Variants in ITGB8 observed in about 807,000 individuals in gnomAD.
The protein encoded by ITGB8 is integrin beta-8.
A neutral mutation model predicts 89.5 loss-of-function variants in ITGB8; 30 were observed. The observed-to-expected ratio is 0.34, with a 90% CI of 0.25 to 0.45. ITGB8 has a LOEUF of 0.45. Ranked by LOEUF, ITGB8 falls within the 20% of genes least tolerant of loss-of-function variation. The pLI is 1.00. For synonymous variants in ITGB8, 335 were observed against 320.4 expected (o/e 1.05, Z -0.49); for missense variants, 836 against 933.3 (o/e 0.90, Z 1.36).
chr7:20,364,447 T>G (rs1785617917), intron 2 of ITGB8, among the ~76,000 whole-genome samples: 1 of 152,190 alleles, frequency 6.6e-6, no homozygotes, highest in African/African-American at 2.4e-5. Flanking sequence ...TCCAACCTCC[T>G]TTATTACTTC....
At chr7:20,346,887 T>C in intron 1 of ITGB8, 1 of 978,438 alleles carries the variant, frequency 1.0e-6, no homozygotes, top group African/African-American at 1.7e-5. Flanking sequence ...TAGAACTTTA[T>C]GCTATGGTCT....
In ITGB8 at chr7:20,402,277, C is replaced by T. The variant is rs1787345308; in HGVS notation, c.1687+151C>T. On this transcript the variant is annotated intron_variant, in intron 10 of 13. Coordinates refer to ENST00000222573, the MANE Select transcript of ITGB8 (RefSeq NM_002214.3). ...CAAAGTCCATGAAATTAGGGCATGGCAACAGATTTATAGTACGTGATTTTG... is the reference window on the plus strand; with the variant it reads ...CAAAGTCCATGAAATTAGGGCATGGTAACAGATTTATAGTACGTGATTTTG... 1.1e-5 allele frequency: 7 copies of T among 628,416 alleles called. No individual in the cohort carries two copies. The South Asian group carries it at 2.0e-4, about 18-fold the overall frequency. 38.9% of individuals were successfully genotyped at this position (628,416 alleles called of 1,614,324 possible).
At chr7:20,335,774 G>T (rs1355759833) in intron 1 of ITGB8, among the ~76,000 whole-genome samples, 3 of 152,104 alleles carry the variant, frequency 2.0e-5, no homozygotes, top group African/African-American at 7.2e-5. Context: ...AGATCTGATG[G>T]CTAATTCTTA....
chr7:20,359,494 A>G (rs12538581), intron 1 of ITGB8, among the ~76,000 whole-genome samples: 83,258 of 152,012 alleles, frequency 0.55, 23,285 homozygotes, highest in South Asian at 0.72. Flanking sequence ...ATTGCTGGAA[A>G]GTAGTTTTCT....
Position 20,380,777 on chromosome 7 carries a change from C to T in ITGB8, c.747C>T (p.Asn249=), listed in dbSNP as rs569051941. The change falls in exon 5 of 14, where the codon AAC becomes AAT. Residue 249 remains asparagine, a synonymous_variant. Coordinates refer to ENST00000222573, the MANE Select transcript of ITGB8 (RefSeq NM_002214.3). The stretch of plus-strand genomic sequence containing the variant: ...TTCATAGACAGAAGATCTCTGGAAA[C>T]ATAGATACACCAGAAGGAGGTTTTG... The part of the protein sequence containing the change: ...KAVHRQKISG[N]IDTPEGGFDA... 84 of 1,613,868 alleles carry T rather than the reference C, an allele frequency of 5.2e-5. 1 individual carries two copies. In the South Asian group the frequency reaches 8.2e-4, roughly 16 times the overall value.
intron 1 of ITGB8, among the ~76,000 whole-genome samples, chr7:20,337,765 G>C (rs1394156838): frequency 6.6e-6 from 1 of 152,192 alleles, no homozygotes; most frequent in African/African-American, 2.4e-5. Context: ...TTCAGCTCTA[G>C]CTGTCCTCAG....
intron 7 of ITGB8, among the ~76,000 whole-genome samples, chr7:20,394,394 C>G (rs893618247): frequency 4.6e-5 from 7 of 152,160 alleles, no homozygotes; most frequent in Non-Finnish European, 8.8e-5. Flanking sequence ...CCACTTGTGA[C>G]TATGATTTTT....
intron 1 of ITGB8, among the ~76,000 whole-genome samples, chr7:20,339,938 G>A (rs1483581530): frequency 6.6e-6 from 1 of 152,252 alleles, no homozygotes; most frequent in African/African-American, 2.4e-5. Flanking sequence ...TGAGGCAGGA[G>A]AATCGCCTGA....
At chr7:20,395,509 ACT>A (rs753233350) in intron 8 of ITGB8, among the ~76,000 whole-genome samples, 8 of 152,214 alleles carry the variant, frequency 5.3e-5, no homozygotes, top group Admixed American at 1.3e-4. Context: ...CTTAGTAGAT[ACT>A]CTGTTTTCTT....
chr7:20,364,721 T>G (rs1448559206), intron 2 of ITGB8: 2 of 152,210 alleles, frequency 1.3e-5, no homozygotes, highest in African/African-American at 2.4e-5. Context: ...CTTCAGAGTT[T>G]CTGGGTCCGA....
intron 2 of ITGB8, chr7:20,364,551 A>G (rs1280498366): frequency 6.6e-6 from 1 of 152,160 alleles, no homozygotes; most frequent in African/African-American, 2.4e-5. Flanking sequence ...GAGGGGTTCA[A>G]GAAACAGTAG....
chr7:20,380,877 TC>T, intron 5 of ITGB8, 46 bp downstream of exon 5: 1 of 1,502,044 alleles, frequency 6.7e-7, no homozygotes, highest in Non-Finnish European at 9.1e-7. Context: ...TGCCAAACTT[TC>T]AAAGAATTTA....
At chr7:20,391,336 A>G in intron 6 of ITGB8, 67 bp from the exon 7 acceptor site, 4 of 758,930 alleles carry the variant, frequency 5.3e-6, no homozygotes, top group Non-Finnish European at 8.4e-6. Context: ...TTTTCTTCAT[A>G]TTAGATGTTT....
At chr7:20,402,206 G>A in intron 10 of ITGB8, 80 bp downstream of exon 10, 1 of 1,248,976 alleles carries the variant, frequency 8.0e-7, no homozygotes, top group East Asian at 2.4e-5. Context: ...TAAATCACAT[G>A]TTTATAAATT....
chr7:20,401,675 ATAAT>A (rs1255277432), intron 9 of ITGB8, 42 bp from the exon 10 acceptor site: 3 of 1,158,226 alleles, frequency 2.6e-6, no homozygotes, highest in Non-Finnish European at 3.5e-6. Context: ...GGTAATAAAA[ATAAT>A]TAAGGTATAT....
intron 12 of ITGB8, among the ~76,000 whole-genome samples, chr7:20,408,370 C>T (rs1787629656): frequency 7.1e-6 from 1 of 140,850 alleles, no homozygotes; most frequent in African/African-American, 2.8e-5. Flanking sequence ...TTCAAAGTAC[C>T]TTATCACAAA....
At chr7:20,387,367 C>T (rs1270610121) in intron 6 of ITGB8, among the ~76,000 whole-genome samples, 3 of 152,158 alleles carry the variant, frequency 2.0e-5, no homozygotes, top group Non-Finnish European at 4.4e-5. Flanking sequence ...TAAGTGAAGG[C>T]TTTACGAAGT....
In ITGB8 at chr7:20,409,660, T is replaced by G; in HGVS notation, c.2069T>G (p.Phe690Cys). The change falls in exon 13 of 14, where the codon TTC becomes TGC. Residue 690 changes from phenylalanine to cysteine, a missense_variant. Physicochemically the swap from Phe to Cys is radical, Grantham distance 205. Around this residue, in one of 5 missense-constraint regions of ITGB8, gnomAD observed 422 missense variants for 416.9 expected, o/e 1.01. Coordinates refer to ENST00000222573, the MANE Select transcript of ITGB8 (RefSeq NM_002214.3). ...TACTTGAGAATATTTTTCATCATTT[T>G]CATAGTTACATTCTTGATTGGGTTG... The part of the protein sequence containing the change: ...PSYLRIFFII[F>C]IVTFLIGLLK... 6.2e-7 allele frequency: 1 copy of G among 1,611,094 alleles called. No individual in the cohort carries two copies.
At chr7:20,353,872 C>CAGTG (rs1204396084) in intron 1 of ITGB8, among the ~76,000 whole-genome samples, 1 of 119,420 alleles carries the variant, frequency 8.4e-6, no homozygotes, top group Non-Finnish European at 1.6e-5. Context: ...GCGAAGCTTG[C>CAGTG]AGTGAGCCGA....
Sources: gnomAD v4.1 joint callset for allele counts (sites outside exome capture counted in the v4.1 genomes callset) on GRCh38, gnomAD v4.1.1 for gene constraint, gnomAD v4.1.1 regional missense constraint, MANE v1.5 for transcripts, NCBI Gene and HGNC (gene_info 2026-07-23, HGNC 2026-07-21) for gene names.